The following BCLAF3 variants were observed in gnomAD, a reference collection of about 807,000 sequenced individuals.
BCLAF3 encodes the protein transient octamer binding factor 1.
Under a neutral mutation model 51.2 loss-of-function variants are expected in BCLAF3, and 24 were observed. That is an observed-to-expected ratio of 0.47 (90% CI 0.34 to 0.66). BCLAF3 has a LOEUF of 0.66. BCLAF3 is among the 30% of genes least tolerant of loss of function. BCLAF3 has a pLI of 0.01. For missense variants in BCLAF3, 465 were observed against 525.1 expected (o/e 0.89, Z 1.12); for synonymous variants, 152 against 176.6 (o/e 0.86, Z 1.10).
intron 1 of BCLAF3, among the ~76,000 whole-genome samples, chrX:19,983,669 C>A (rs1256865681): frequency 2.7e-5 from 3 of 109,173 alleles, no homozygotes; most frequent in Non-Finnish European, 5.7e-5. Flanking sequence ...AAGCCAAGAT[C>A]ACACCACTGC....
At chrX:19,959,050 G>A (rs1221095386) in intron 4 of BCLAF3, among the ~76,000 whole-genome samples, 1 of 112,600 alleles carries the variant, frequency 8.9e-6, no homozygotes, top group South Asian at 3.6e-4. Context: ...CAGGCTGGCA[G>A]TCGCAGCATT....
intron 8 of BCLAF3, among the ~76,000 whole-genome samples, chrX:19,939,447 T>C (rs751868488): frequency 8.9e-6 from 1 of 111,804 alleles, no homozygotes; most frequent in African/African-American, 3.2e-5. Context: ...GATTTTAAAA[T>C]GGGCAAAGGA....
At chrX:19,957,721 A>G (rs1393590538) in intron 4 of BCLAF3, among the ~76,000 whole-genome samples, 1 of 111,920 alleles carries the variant, frequency 8.9e-6, no homozygotes, top group African/African-American at 3.2e-5. Flanking sequence ...TTATCCATTA[A>G]AATTTATCCT....
intron 11 of BCLAF3, among the ~76,000 whole-genome samples, chrX:19,919,632 G>A (rs775050490): frequency 1.3e-4 from 14 of 110,617 alleles, no homozygotes; most frequent in African/African-American, 3.0e-4. Flanking sequence ...TGAGGTGGGC[G>A]GATCACTTGA....
At position 19,913,165 on chromosome X, in the gene BCLAF3, C is replaced by T. The variant is rs1425648757; in HGVS notation, c.*4140G>A. 3.6e-5 allele frequency: 4 copies of T among 111,932 alleles called. No individual in the cohort carries two copies. Among genetic ancestry groups the T allele is most frequent in the Non-Finnish European group, 7.5e-5 (4 of 53,207 alleles). 9.2% of individuals were successfully genotyped at this position (111,932 alleles called of 1,213,427 possible). ...CTCGGTTCACTGCAACCTTCGCCTC[C>T]CGGGTTTAAGCAATTCTCCTGCCTC... is the stretch of plus-strand genomic sequence containing the variant. On this transcript the variant is annotated 3_prime_UTR_variant, in exon 12 of 12. Coordinates refer to ENST00000379682, the MANE Select transcript of BCLAF3 (RefSeq NM_001367774.2).
chrX:19,947,060 A>G (rs2147863334), intron 8 of BCLAF3, among the ~76,000 whole-genome samples: 1 of 112,392 alleles, frequency 8.9e-6, no homozygotes, highest in African/African-American at 3.2e-5. Context: ...CTATATCCCC[A>G]GTCCTTAGAA....
At chrX:19,925,128 A>G (rs1258355520) in intron 11 of BCLAF3, among the ~76,000 whole-genome samples, 1 of 111,627 alleles carries the variant, frequency 9.0e-6, no homozygotes, top group African/African-American at 3.3e-5. Flanking sequence ...AGGCAGCTGG[A>G]GAGCCAATGC....
At chrX:19,920,645 C>A (rs749681675) in intron 11 of BCLAF3, among the ~76,000 whole-genome samples, 77 of 109,932 alleles carry the variant, frequency 7.0e-4, no homozygotes, top group Middle Eastern at 4.7e-3. Flanking sequence ...CATGGCGAGA[C>A]CCCGTACCTA....
intron 5 of BCLAF3, 159 bp from the exon 6 acceptor site, chrX:19,954,051 G>T: frequency 1.3e-6 from 1 of 754,005 alleles, no homozygotes; most frequent in East Asian, 1.5e-4. Flanking sequence ...AATTTGTAGC[G>T]CTCACGTGCC....
intron 1 of BCLAF3, among the ~76,000 whole-genome samples, chrX:19,984,766 A>C (rs1293319883): frequency 9.1e-6 from 1 of 110,128 alleles, no homozygotes; most frequent in Non-Finnish European, 1.9e-5. Context: ...GCTCACTGCA[A>C]CCTCCGCCTC....
In BCLAF3 at chrX:19,944,644, G is replaced by A. The variant is rs1470063879; in HGVS notation, c.1745+6109C>T. ...TTGTAGGGTTTCTGCTGAGAGATCC[G>A]CTGTTAGTCTGATGGGCTTCCCTTT... On this transcript the variant is annotated intron_variant, in intron 8 of 11. Transcript: ENST00000379682. 1.2e-3 allele frequency among the ~76,000 whole-genome samples: 102 copies of A among 85,639 alleles called. 2 individuals are homozygous for A. The highest frequency in any genetic ancestry group is 1.7e-3 in the Non-Finnish European group (83 of 49,147). 74.4% of individuals were successfully genotyped at this position (85,639 alleles called of 115,157 possible).
intron 2 of BCLAF3, among the ~76,000 whole-genome samples, chrX:19,968,110 C>T (rs919728608): frequency 8.9e-6 from 1 of 112,855 alleles, no homozygotes; most frequent in East Asian, 2.8e-4. Flanking sequence ...CCTTACTTCA[C>T]ATTCAATATC....
intron 1 of BCLAF3, among the ~76,000 whole-genome samples, chrX:19,980,980 A>G (rs2072593884): frequency 9.0e-6 from 1 of 110,968 alleles, no homozygotes; most frequent in Non-Finnish European, 1.9e-5. Flanking sequence ...GATAGAGTTA[A>G]AAAAAGAAAG....
chrX:19,935,695 T>C, intron 10 of BCLAF3, 114 bp downstream of exon 10: 1 of 579,074 alleles, frequency 1.7e-6, no homozygotes, highest in Admixed American at 2.7e-5. Context: ...TACTAGTTTA[T>C]AGCTACCATT....
At chrX:19,917,618 T>G (rs760351601) in intron 11 of BCLAF3, among the ~76,000 whole-genome samples, 2 of 111,987 alleles carry the variant, frequency 1.8e-5, no homozygotes, top group African/African-American at 6.5e-5. Context: ...TGGGTGAGTT[T>G]CAGTGAAGGC....
intron 1 of BCLAF3, among the ~76,000 whole-genome samples, chrX:19,978,018 A>C (rs1435795921): frequency 2.9e-5 from 3 of 104,851 alleles, no homozygotes; most frequent in Non-Finnish European, 5.9e-5. Context: ...CCTACTGCTC[A>C]AAAAAAAAAA....
intron 7 of BCLAF3, among the ~76,000 whole-genome samples, 157 bp from the exon 8 acceptor site, chrX:19,951,025 T>C (rs1382261172): frequency 8.9e-6 from 1 of 112,193 alleles, no homozygotes; most frequent in Non-Finnish European, 1.9e-5. Flanking sequence ...GAGACACAAT[T>C]GACAATAAAC....
At chrX:19,920,061 C>T (rs761662821) in intron 11 of BCLAF3, among the ~76,000 whole-genome samples, 1 of 110,853 alleles carries the variant, frequency 9.0e-6, no homozygotes, top group East Asian at 2.8e-4. Context: ...TCCCTTTCCT[C>T]CTGGCAGTCT....
chrX:19,956,759 G>A (rs1385895156), intron 4 of BCLAF3, among the ~76,000 whole-genome samples: 1 of 111,006 alleles, frequency 9.0e-6, no homozygotes, highest in Non-Finnish European at 1.9e-5. Flanking sequence ...CAACTGCTGG[G>A]GTTCTTAATG....
Sources: gnomAD v4.1 joint callset for allele counts (sites outside exome capture counted in the v4.1 genomes callset) on GRCh38, gnomAD v4.1.1 for gene constraint, MANE v1.5 for transcripts, NCBI Gene and HGNC (gene_info 2026-07-23, HGNC 2026-07-21) for gene names.